WDR64: variants seen among roughly 807,000 people sequenced by gnomAD.
WDR64 encodes the protein WD repeat domain 64, also known as WD repeat-containing protein 64.
A neutral mutation model predicts 139.3 loss-of-function variants in WDR64; 112 were observed. That is an observed-to-expected ratio of 0.80 (90% CI 0.69 to 0.94). The LOEUF (loss-of-function observed/expected upper bound fraction) is 0.94, where lower values mean the gene tolerates loss of function less well. Ranked by LOEUF, WDR64 falls within the 40% of genes least tolerant of loss-of-function variation. The pLI is 0.00. For synonymous variants in WDR64, 444 were observed against 437.7 expected (o/e 1.01, Z -0.18); for missense variants, 1,206 against 1,293.1 (o/e 0.93, Z 1.03).
intron 25 of WDR64, among the ~76,000 whole-genome samples, chr1:241,793,041 A>G (rs1309363135): frequency 6.6e-6 from 1 of 152,190 alleles, no homozygotes; most frequent in East Asian, 1.9e-4. Flanking sequence ...AATACTATAG[A>G]CCTGTGAAAA....
At chr1:241,797,980 C>T (rs1574104171) in intron 27 of WDR64, among the ~76,000 whole-genome samples, 7 of 151,866 alleles carry the variant, frequency 4.6e-5, no homozygotes, top group Admixed American at 4.6e-4. Flanking sequence ...AAGAAGATGG[C>T]CAAATATGTC....
chr1:241,754,152 G>T (rs1482793906), intron 14 of WDR64, among the ~76,000 whole-genome samples: 2 of 151,838 alleles, frequency 1.3e-5, no homozygotes, highest in Non-Finnish European at 2.9e-5. Flanking sequence ...ACAACACTCA[G>T]GGAAATATGA....
intron 10 of WDR64, among the ~76,000 whole-genome samples, chr1:241,730,556 G>T (rs1385100269): frequency 6.6e-6 from 1 of 152,096 alleles, no homozygotes. Flanking sequence ...CCTCCCTAAG[G>T]TAACTATCTG....
At chr1:241,655,017 G>A (rs1361842094) in intron 1 of WDR64, among the ~76,000 whole-genome samples, 2 of 152,106 alleles carry the variant, frequency 1.3e-5, no homozygotes, top group Admixed American at 1.3e-4. Context: ...TTGGATAATG[G>A]ATACTCAAAC....
intron 26 of WDR64, among the ~76,000 whole-genome samples, chr1:241,795,794 CTAAT>C (rs990931188): frequency 2.6e-5 from 4 of 152,138 alleles, no homozygotes; most frequent in African/African-American, 7.2e-5. Context: ...TGTTAGACAA[CTAAT>C]TAATTAACCC....
intron 3 of WDR64, among the ~76,000 whole-genome samples, chr1:241,671,762 T>C (rs1453814354): frequency 6.6e-6 from 1 of 152,162 alleles, no homozygotes; most frequent in Non-Finnish European, 1.5e-5. Flanking sequence ...CTTCTCCTTC[T>C]TCCCTCCATG....
chr1:241,683,335 T>C (rs1400408888), intron 6 of WDR64, among the ~76,000 whole-genome samples, 152 bp from the exon 7 acceptor site: 1 of 152,222 alleles, frequency 6.6e-6, no homozygotes, highest in Non-Finnish European at 1.5e-5. Context: ...AACTTTTATT[T>C]GGTTAACTGG....
In WDR64 at chr1:241,675,038, TCTTCTTTCCTTCCTTTTCTC is replaced by T. The variant is rs1558465908; in HGVS notation, c.483+293_483+312del. On this transcript the variant is annotated intron_variant, in intron 4 of 27. Coordinates refer to ENST00000437684, the MANE Select transcript of WDR64 (RefSeq NM_001367482.1). ...CTTTCTTCTTCCTTCCCTCCCTCCT[TCTTCTTTCCTTCCTTTTCTC>T]CCTTCCTCCTTCCTGCCTCCCTCCC... is the stretch of plus-strand genomic sequence containing the variant. Among the ~76,000 whole-genome samples the T allele has an allele frequency of 9.2e-3, 206 of 22,422 alleles. 33 individuals are homozygous for T. The highest frequency in any genetic ancestry group is 0.01 in the Non-Finnish European group (99 of 9,484). The allele number at this position is 22,422 out of a possible 152,430, so 14.7% of individuals were successfully genotyped here. A position where few individuals can be genotyped will look rare whatever the true frequency, so the allele number is the denominator to read the frequency against.
At chr1:241,788,062 A>G in intron 24 of WDR64, 28 bp downstream of exon 24, 2 of 1,532,822 alleles carry the variant, frequency 1.3e-6, no homozygotes, top group Non-Finnish European at 8.7e-7. Flanking sequence ...TCTTTAGATA[A>G]GCATACAAGA....
intron 19 of WDR64, 113 bp from the exon 20 acceptor site, chr1:241,772,679 T>C (rs889282468): frequency 1.1e-5 from 12 of 1,108,784 alleles, no homozygotes; most frequent in Non-Finnish European, 1.4e-5. Flanking sequence ...GCCAGGCTGA[T>C]CTGGAACTCC....
At chr1:241,702,272 T>C (rs971655721) in intron 8 of WDR64, among the ~76,000 whole-genome samples, 2 of 151,548 alleles carry the variant, frequency 1.3e-5, no homozygotes, top group Non-Finnish European at 2.9e-5. Context: ...GTAAGGTTGC[T>C]GTGGAGACAG....
At chr1:241,692,609 A>C (rs1477640885) in intron 8 of WDR64, among the ~76,000 whole-genome samples, 2 of 152,244 alleles carry the variant, frequency 1.3e-5, no homozygotes, top group East Asian at 3.8e-4. Flanking sequence ...TCTGCTCTGC[A>C]AAAGACTCTG....
chr1:241,749,001 C>G (rs570416264), intron 13 of WDR64, among the ~76,000 whole-genome samples: 1 of 151,990 alleles, frequency 6.6e-6, no homozygotes, highest in African/African-American at 2.4e-5. Flanking sequence ...ACACTCGACA[C>G]TTTTCTTTCA....
intron 17 of WDR64, 47 bp downstream of exon 17, chr1:241,769,552 G>T: frequency 6.8e-7 from 1 of 1,479,968 alleles, no homozygotes. Flanking sequence ...GGACTTAGGT[G>T]GCTGATACAT....
intron 10 of WDR64, among the ~76,000 whole-genome samples, chr1:241,726,116 G>T (rs1400301752): frequency 6.6e-6 from 1 of 151,582 alleles, no homozygotes; most frequent in Non-Finnish European, 1.5e-5. Context: ...TTGCTATGTT[G>T]CCCGAACTTC....
intron 8 of WDR64, among the ~76,000 whole-genome samples, chr1:241,706,949 TA>T (rs1667974952): frequency 6.6e-6 from 1 of 152,182 alleles, no homozygotes; most frequent in Admixed American, 6.5e-5. Context: ...GGGGATCACT[TA>T]TTTTTTTGAT....
intron 15 of WDR64, 79 bp from the exon 16 acceptor site, chr1:241,766,136 CAAT>C: frequency 7.4e-7 from 1 of 1,346,648 alleles, no homozygotes; most frequent in African/African-American, 1.5e-5. Flanking sequence ...AAGTTGATGA[CAAT>C]TACAAAGTGT....
intron 16 of WDR64, among the ~76,000 whole-genome samples, 188 bp from the exon 17 acceptor site, chr1:241,769,216 G>T (rs1658322380): frequency 6.6e-6 from 1 of 152,136 alleles, no homozygotes; most frequent in Non-Finnish European, 1.5e-5. Context: ...AAACCGTTGA[G>T]GATCATGATT....
At chr1:241,679,627 G>A (rs944128885) in intron 6 of WDR64, 32 bp downstream of exon 6, 10 of 1,532,120 alleles carry the variant, frequency 6.5e-6, no homozygotes, top group Non-Finnish European at 8.9e-6. Context: ...TCAAAGAAAT[G>A]AGATTGTCTT....
Sources: allele counts gnomAD v4.1 joint callset (sites outside exome capture counted in the v4.1 genomes callset), GRCh38; gene constraint gnomAD v4.1.1; transcripts MANE v1.5; gene names NCBI Gene and HGNC (gene_info 2026-07-23, HGNC 2026-07-21).